Variants in KCNAB2 observed in about 807,000 individuals in gnomAD.
KCNAB2 encodes potassium voltage-gated channel subfamily A regulatory beta subunit 2.
In KCNAB2, 29 loss-of-function variants were observed where a neutral mutation model predicts 63.6. The observed-to-expected ratio is 0.46, with a 90% CI of 0.34 to 0.62. KCNAB2 has a LOEUF of 0.62. Among genes scored for constraint, KCNAB2 ranks in the 20% least tolerant of loss-of-function variants. The pLI is 0.01. For missense variants in KCNAB2, 359 were observed against 563.9 expected (o/e 0.64, Z 3.68); for synonymous variants, 222 against 224.2 (o/e 0.99, Z 0.09).
intron 13 of KCNAB2, 114 bp downstream of exon 13, chr1:6,095,738 TC>T: frequency 1.0e-6 from 1 of 966,214 alleles, no homozygotes; most frequent in Non-Finnish European, 1.6e-6. Flanking sequence ...CTGCAGCTGT[TC>T]CCACCTCGGT....
chr1:6,095,294 G>A, intron 11 of KCNAB2, 29 bp from the exon 12 acceptor site: 2 of 1,596,334 alleles, frequency 1.3e-6, no homozygotes, highest in African/African-American at 1.3e-5. Flanking sequence ...ACAGGCAAGG[G>A]CCCTCGGGGT....
intron 1 of KCNAB2, among the ~76,000 whole-genome samples, chr1:5,998,697 C>G (rs1424556592): frequency 1.3e-5 from 2 of 152,200 alleles, no homozygotes; most frequent in African/African-American, 4.8e-5. Context: ...AAGGAGGCAG[C>G]CTCTGTTGAG....
rs7519032 is a variant in KCNAB2 at position 6,087,823 on chromosome 1, T to G, written c.470+312T>G. ...AAAAACCTCGCTTAACTTTCCTTTT[T>G]ACTCACATGGATTATTTTTTCCTGG... On this transcript the variant is annotated intron_variant, in intron 7 of 15. Coordinates refer to ENST00000378083, the MANE Select transcript of KCNAB2 (RefSeq NM_001199862.2). The surrounding 1 kb of genome is among the most constrained non-coding windows in gnomAD (Gnocchi z 6.4). 1.3e-5 allele frequency among the ~76,000 whole-genome samples: 2 copies of G among 152,160 alleles called. No individual in the cohort carries two copies. Among genetic ancestry groups the G allele is most frequent in the Non-Finnish European group, 2.9e-5 (2 of 68,024 alleles).
chr1:6,097,821 C>G lies in KCNAB2; in HGVS notation c.1158+464C>G, dbSNP rs943661404. On this transcript the variant is annotated intron_variant, in intron 15 of 15. Coordinates refer to ENST00000378083, the MANE Select transcript of KCNAB2 (RefSeq NM_001199862.2). ...GCAGAGGGGCAGATCCTGAGAGGCA[C>G]GAAACACCTCCAGGGACTTCTGAGT... 11 of 295,812 alleles carry G rather than the reference C, an allele frequency of 3.7e-5. No homozygotes were observed. The Admixed American group carries it at 4.3e-4, about 12-fold the overall frequency. 18.3% of individuals were successfully genotyped at this position (295,812 alleles called of 1,614,324 possible). A position where few individuals can be genotyped will look rare whatever the true frequency, so the allele number is the denominator to read the frequency against.
Position 6,096,544 on chromosome 1 carries a change from C to A in KCNAB2, c.949-92C>A. On this transcript the variant is annotated intron_variant, in intron 13 of 15. Coordinates refer to ENST00000378083, the MANE Select transcript of KCNAB2 (RefSeq NM_001199862.2). The surrounding 1 kb of genome is among the most constrained non-coding windows in gnomAD (Gnocchi z 5.9). ...AGAGCCCCTATGAGGGAGAAGGGTCCAGAAGGAATGAGCCCATCGGCCCCC... is the reference window on the plus strand; with the variant it reads ...AGAGCCCCTATGAGGGAGAAGGGTCAAGAAGGAATGAGCCCATCGGCCCCC... The A allele has an allele frequency of 6.8e-7, 1 of 1,469,814 alleles. No homozygotes were observed. The highest frequency in any genetic ancestry group is 2.3e-5 in the Admixed American group (1 of 43,180). 91.0% of individuals were successfully genotyped at this position (1,469,814 alleles called of 1,614,324 possible). A position where few individuals can be genotyped will look rare whatever the true frequency, so the allele number is the denominator to read the frequency against.
At position 6,073,763 on chromosome 1, in the gene KCNAB2, C is replaced by G; in HGVS notation, c.293C>G (p.Thr98Ser). The change falls in exon 4 of 16, where the codon ACC (threonine) becomes AGC (serine). Residue 98 changes from threonine to serine, a missense_variant. By Grantham distance (58) the Thr-to-Ser change is moderately conservative. Around this residue, in one of 2 missense-constraint regions of KCNAB2, gnomAD observed 271 missense variants for 476.1 expected, o/e 0.57. Transcript: ENST00000378083. The surrounding 1 kb of genome is among the most constrained non-coding windows in gnomAD (Gnocchi z 5.7). ...TGGGTGACCTTCGGAGGCCAGATCACCGATGAGGTAAGATGGGGCTCTCCC... is the reference window on the plus strand; with the variant it reads ...TGGGTGACCTTCGGAGGCCAGATCAGCGATGAGGTAAGATGGGGCTCTCCC... The part of the protein sequence containing the change: ...GTWVTFGGQI[T>S]DEMAEQLMTL... 1 of 1,614,146 alleles carries G rather than the reference C, an allele frequency of 6.2e-7. No individual in the cohort carries two copies. Among genetic ancestry groups the G allele is most frequent in the Non-Finnish European group, 8.5e-7 (1 of 1,179,990 alleles).
chr1:6,009,941 T>C (rs554866328), intron 1 of KCNAB2, among the ~76,000 whole-genome samples: 2 of 151,802 alleles, frequency 1.3e-5, no homozygotes, highest in African/African-American at 2.4e-5. Context: ...CGCAATCTTA[T>C]CTCACTGCAA....
At chr1:6,000,568 TCCTGTGAGGAGTGAACCCCA>T (rs1365671806) in intron 1 of KCNAB2, among the ~76,000 whole-genome samples, 2 of 150,454 alleles carry the variant, frequency 1.3e-5, no homozygotes, top group Non-Finnish European at 1.5e-5. Flanking sequence ...GCGAGCCCGC[TCCTGTGAGGAGTGAACCCCA>T]CCCCCCGCCG....
chr1:6,083,191 A>G (rs1410718325), intron 5 of KCNAB2, among the ~76,000 whole-genome samples: 1 of 152,158 alleles, frequency 6.6e-6, no homozygotes, highest in Non-Finnish European at 1.5e-5. Context: ...GCTTCCCATC[A>G]AAGTGAACTG....
At chr1:6,055,871 C>T (rs538492964) in intron 2 of KCNAB2, among the ~76,000 whole-genome samples, 1 of 152,302 alleles carries the variant, frequency 6.6e-6, no homozygotes, top group Admixed American at 6.5e-5. Flanking sequence ...TCTCCGTCAG[C>T]GACTGGGCTG....
intron 1 of KCNAB2, among the ~76,000 whole-genome samples, chr1:6,014,229 T>C (rs1658356500): frequency 6.6e-6 from 1 of 152,162 alleles, no homozygotes; most frequent in Non-Finnish European, 1.5e-5. Context: ...CCCACTGTAC[T>C]GGGAGGGCAC....
At chr1:6,088,804 T>C (rs1427190964) in intron 7 of KCNAB2, among the ~76,000 whole-genome samples, 3 of 130,198 alleles carry the variant, frequency 2.3e-5, no homozygotes, top group Non-Finnish European at 4.9e-5. Context: ...CCCTCCCCTC[T>C]GAGCCCTGTG....
At chr1:6,088,922 C>CT (rs1437864441) in intron 7 of KCNAB2, 86 bp from the exon 8 acceptor site, 10 of 1,306,222 alleles carry the variant, frequency 7.7e-6, no homozygotes, top group Non-Finnish European at 8.6e-6. Flanking sequence ...GTTTTTGCGT[C>CT]TAACATTGCA....
At position 6,073,861 on chromosome 1, in the gene KCNAB2, C is replaced by A; in HGVS notation, c.300+91C>A. 2 of 1,323,516 alleles carry A rather than the reference C, an allele frequency of 1.5e-6. No homozygotes were observed. Among genetic ancestry groups the A allele is most frequent in the Non-Finnish European group, 2.2e-6 (2 of 918,954 alleles). The allele number at this position is 1,323,516 out of a possible 1,614,324, so 82.0% of individuals were successfully genotyped here. A position where few individuals can be genotyped will look rare whatever the true frequency, so the allele number is the denominator to read the frequency against. ...TGCCGCGTGGACCAGTGAGCACGTG[C>A]TCCCGGGAGCCAGCGCAGCAGCCTC... is the stretch of plus-strand genomic sequence containing the variant. On this transcript the variant is annotated intron_variant, in intron 4 of 15. Transcript: ENST00000378083. The surrounding 1 kb of genome is among the most constrained non-coding windows in gnomAD (Gnocchi z 5.7).
chr1:6,096,616 C>T lies in KCNAB2; in HGVS notation c.949-20C>T. The T allele has an allele frequency of 6.2e-7, 1 of 1,606,802 alleles. No homozygotes were observed. The highest frequency in any genetic ancestry group is 8.5e-7 in the Non-Finnish European group (1 of 1,176,974). ...CCTGCTCTCATCTGTAGCTGTGCTG[C>T]TCCCCTCCCCCGCAACCAGGGCTAC... On this transcript the variant is annotated intron_variant, in intron 13 of 15. Coordinates refer to ENST00000378083, the MANE Select transcript of KCNAB2 (RefSeq NM_001199862.2). The surrounding 1 kb of genome is among the most constrained non-coding windows in gnomAD (Gnocchi z 5.9).
intron 5 of KCNAB2, among the ~76,000 whole-genome samples, chr1:6,083,647 C>T (rs1301867942): frequency 6.6e-6 from 1 of 152,226 alleles, no homozygotes; most frequent in African/African-American, 2.4e-5. Flanking sequence ...AGCTGAGCCC[C>T]CGGTGGACGC....
At chr1:6,090,648 G>A (rs1665113975) in intron 9 of KCNAB2, among the ~76,000 whole-genome samples, 173 bp downstream of exon 9, 1 of 152,116 alleles carries the variant, frequency 6.6e-6, no homozygotes, top group African/African-American at 2.4e-5. Flanking sequence ...AGTAGGGGGT[G>A]AACTCAGCCT....
At chr1:6,000,179 C>G (rs542711711) in intron 1 of KCNAB2, among the ~76,000 whole-genome samples, 5 of 150,136 alleles carry the variant, frequency 3.3e-5, no homozygotes, top group African/African-American at 5.1e-5. Context: ...GCCAGCCCCC[C>G]GCACCCCCTA....
chr1:6,053,353 C>G (rs1661545373), intron 2 of KCNAB2, among the ~76,000 whole-genome samples: 1 of 152,146 alleles, frequency 6.6e-6, no homozygotes, highest in South Asian at 2.1e-4. Context: ...CAACCAGGTC[C>G]CCAACCTCAC....
Sources: gnomAD v4.1 joint callset for allele counts (sites outside exome capture counted in the v4.1 genomes callset) on GRCh38, gnomAD v4.1.1 for gene constraint, gnomAD v4.1.1 regional missense constraint, Gnocchi (gnomAD v3.1) non-coding constraint, MANE v1.5 for transcripts, NCBI Gene and HGNC (gene_info 2026-07-23, HGNC 2026-07-21) for gene names.